Variants in PTPRD observed in about 807,000 individuals in gnomAD.
The protein encoded by PTPRD is receptor-type tyrosine-protein phosphatase delta.
In PTPRD, 34 loss-of-function variants were observed where a neutral mutation model predicts 214.5. That is an observed-to-expected ratio of 0.16 (90% CI 0.12 to 0.21). The LOEUF (loss-of-function observed/expected upper bound fraction) is 0.21, where lower values mean the gene tolerates loss of function less well. Ranked by LOEUF, PTPRD falls within the 10% of genes least tolerant of loss-of-function variation. PTPRD has a pLI of 1.00. For synonymous variants in PTPRD, 1,128 were observed against 845.7 expected, an observed-to-expected ratio of 1.33 and a Z score of -5.79; for missense variants, 2,545 against 2,398.7, an observed-to-expected ratio of 1.06 and a Z score of -1.27.
At chr9:9,824,956 C>A (rs2153583613) in intron 5 of PTPRD, among the ~76,000 whole-genome samples, 1 of 152,074 alleles carries the variant, frequency 6.6e-6, no homozygotes, top group African/African-American at 2.4e-5. Context: ...GGTTTTGAAT[C>A]CTCACTGGTA....
intron 9 of PTPRD, among the ~76,000 whole-genome samples, chr9:9,236,320 T>G (rs2099966687): frequency 6.6e-6 from 1 of 152,018 alleles, no homozygotes; most frequent in African/African-American, 2.4e-5. Context: ...CCCAAACAAC[T>G]ATATTTCTGA....
intron 9 of PTPRD, among the ~76,000 whole-genome samples, chr9:9,384,343 CTTTTTTTT>C (rs869246078): frequency 3.0e-5 from 1 of 33,316 alleles, no homozygotes; most frequent in East Asian, 1.2e-3. Context: ...GAAGACTAGG[CTTTTTTTT>C]TTTTTTTTTT....
At chr9:9,958,062 T>A (rs1210741277) in intron 4 of PTPRD, among the ~76,000 whole-genome samples, 1 of 152,200 alleles carries the variant, frequency 6.6e-6, no homozygotes, top group Non-Finnish European at 1.5e-5. Flanking sequence ...AGCTTACACC[T>A]TTCATAAAGC....
chr9:8,879,141 A>G (rs1288212119), intron 11 of PTPRD, among the ~76,000 whole-genome samples: 2 of 152,170 alleles, frequency 1.3e-5, no homozygotes, highest in East Asian at 1.9e-4. Flanking sequence ...TGGGTCCCCA[A>G]GTATCTATAG....
intron 8 of PTPRD, among the ~76,000 whole-genome samples, chr9:9,472,452 C>T (rs1347933783): frequency 6.6e-6 from 1 of 151,974 alleles, no homozygotes; most frequent in East Asian, 1.9e-4. Context: ...ATCCACCCGC[C>T]TCGGCCTCCC....
chr9:8,459,889 T>C (rs182781574), intron 33 of PTPRD, among the ~76,000 whole-genome samples: 2 of 152,260 alleles, frequency 1.3e-5, no homozygotes, highest in Non-Finnish European at 2.9e-5. Flanking sequence ...TTCTCCATCC[T>C]TCTCTTTTTT....
chr9:8,340,309 C>G (rs1382306528), intron 42 of PTPRD, 34 bp downstream of exon 42: 5 of 1,564,494 alleles, frequency 3.2e-6, no homozygotes, highest in Non-Finnish European at 4.4e-6. Flanking sequence ...GAGTAAATGT[C>G]TTATGAGGAG....
chr9:9,940,286 G>C (rs975584172), intron 4 of PTPRD, among the ~76,000 whole-genome samples: 1 of 152,000 alleles, frequency 6.6e-6, no homozygotes. Flanking sequence ...GATAAACCCC[G>C]CTCATCTTCT....
chr9:9,202,969 T>A (rs2099942741), intron 9 of PTPRD, among the ~76,000 whole-genome samples: 1 of 152,216 alleles, frequency 6.6e-6, no homozygotes, highest in Admixed American at 6.6e-5. Context: ...TCACCTTTGT[T>A]ATCCCCATTG....
intron 5 of PTPRD, among the ~76,000 whole-genome samples, chr9:9,825,443 A>G (rs1199742595): frequency 6.6e-6 from 1 of 151,470 alleles, no homozygotes; most frequent in African/African-American, 2.4e-5. Context: ...AGGAGGAAGA[A>G]AGAAAGAGAA....
At chr9:10,527,947 T>C (rs1167342745) in intron 2 of PTPRD, among the ~76,000 whole-genome samples, 1 of 152,142 alleles carries the variant, frequency 6.6e-6, no homozygotes, top group Non-Finnish European at 1.5e-5. Flanking sequence ...TACACTATAT[T>C]CTAAATAATC....
intron 7 of PTPRD, among the ~76,000 whole-genome samples, chr9:9,660,548 A>G (rs1295423001): frequency 6.6e-6 from 1 of 152,008 alleles, no homozygotes; most frequent in Non-Finnish European, 1.5e-5. Flanking sequence ...CAAAGTAAAT[A>G]TGTAACTCTA....
In PTPRD at chr9:8,500,761, A is replaced by C; in HGVS notation, c.2121T>G (p.Asn707Lys). ...PESLSVLIRT[N>K]EDVPSGPPRK... is the part of the protein sequence containing the mutation. ...GTAGCGGAGGCAACATACCATCTTC[A>C]TTGGTTCGAATCAACACGGACAAGC... The change falls in exon 24 of 46, where the codon AAT (asparagine) becomes AAG (lysine). Residue 707 changes from asparagine (N) to lysine (K), a missense_variant. Physicochemically the swap from Asn to Lys is moderately conservative, Grantham distance 94 (BLOSUM62 0). Transcript: ENST00000381196. The C allele has an allele frequency of 6.2e-7, 1 of 1,613,984 alleles. No individual in the cohort carries two copies. The highest frequency in any genetic ancestry group is 1.1e-5 in the South Asian group (1 of 91,076).
chr9:8,804,542 A>G (rs901026421), intron 11 of PTPRD, among the ~76,000 whole-genome samples: 19 of 152,042 alleles, frequency 1.2e-4, no homozygotes, highest in Non-Finnish European at 2.5e-4. Context: ...GGCTGCAGCA[A>G]GCTGTGATCA....
At chr9:8,638,399 A>G (rs2096494425) in intron 12 of PTPRD, among the ~76,000 whole-genome samples, 2 of 152,092 alleles carry the variant, frequency 1.3e-5, no homozygotes, top group African/African-American at 2.4e-5. Context: ...CCGGATTCCT[A>G]TCTAAGCTCC....
chr9:9,656,922 G>A (rs2096529735), intron 7 of PTPRD, among the ~76,000 whole-genome samples: 1 of 151,864 alleles, frequency 6.6e-6, no homozygotes, highest in Admixed American at 6.6e-5. Flanking sequence ...ATTTCTCTGT[G>A]AACCTACAAC....
intron 2 of PTPRD, among the ~76,000 whole-genome samples, chr9:10,520,492 G>A (rs1044082928): frequency 2.0e-5 from 3 of 152,220 alleles, no homozygotes; most frequent in African/African-American, 7.2e-5. Context: ...TGATGTAGAA[G>A]CTACGGCAAG....
chr9:8,402,806 C>T (rs768484382), intron 36 of PTPRD, among the ~76,000 whole-genome samples: 5 of 151,322 alleles, frequency 3.3e-5, no homozygotes, highest in Non-Finnish European at 7.4e-5. Flanking sequence ...GAAGCGATTA[C>T]CCATTTGACA....
chr9:8,532,037 T>C (rs538864664), intron 14 of PTPRD, among the ~76,000 whole-genome samples: 1 of 152,168 alleles, frequency 6.6e-6, no homozygotes, highest in African/African-American at 2.4e-5. Flanking sequence ...TGCATACTAA[T>C]GGGACAGAAA....
Sources: allele counts gnomAD v4.1 joint callset (sites outside exome capture counted in the v4.1 genomes callset), GRCh38; gene constraint gnomAD v4.1.1; transcripts MANE v1.5; gene names NCBI Gene and HGNC (gene_info 2026-07-23, HGNC 2026-07-21).